Variants in SPMIP7 observed in about 807,000 individuals in gnomAD.
The protein encoded by SPMIP7 is sperm microtubule inner protein 7.
chr7:50,157,901 A>T, the SPMIP7 span, among the ~76,000 whole-genome samples: 85 of 53,312 alleles, frequency 1.6e-3, no homozygotes, highest in Non-Finnish European at 3.6e-3. Flanking sequence ...AAGCTTTTTT[A>T]AAAAAAATTA....
chr7:50,153,082 C>T, the SPMIP7 span, among the ~76,000 whole-genome samples: 1 of 152,128 alleles, frequency 6.6e-6, no homozygotes, highest in African/African-American at 2.4e-5. Flanking sequence ...CTTTTAGGAG[C>T]TTATTTTCTG....
chr7:50,140,701 T>C, the SPMIP7 span, among the ~76,000 whole-genome samples: 3 of 152,368 alleles, frequency 2.0e-5, no homozygotes, highest in Admixed American at 1.3e-4. Context: ...TCCAAGAATA[T>C]GGAGGAGGGA....
the SPMIP7 span, among the ~76,000 whole-genome samples, chr7:50,158,781 C>G: frequency 6.6e-6 from 1 of 152,094 alleles, no homozygotes; most frequent in Non-Finnish European, 1.5e-5. Context: ...GCCCTGGGCC[C>G]TCCCCAGGCA....
chr7:50,143,592 T>G, the SPMIP7 span, among the ~76,000 whole-genome samples: 1 of 152,224 alleles, frequency 6.6e-6, no homozygotes, highest in Admixed American at 6.5e-5. Flanking sequence ...TTGATTTTGT[T>G]TTATGGTTAC....
the SPMIP7 span, among the ~76,000 whole-genome samples, chr7:50,147,231 C>G: frequency 6.6e-6 from 1 of 152,214 alleles, no homozygotes; most frequent in South Asian, 2.1e-4. Context: ...TGATTTGAAC[C>G]TGCACTTACA....
chr7:50,098,658 G>C, the SPMIP7 span, among the ~76,000 whole-genome samples: 1 of 151,982 alleles, frequency 6.6e-6, no homozygotes, highest in Admixed American at 6.5e-5. Flanking sequence ...TTTATAGAAG[G>C]CATCTTTTTC....
the SPMIP7 span, among the ~76,000 whole-genome samples, chr7:50,158,262 T>G: frequency 7.1e-6 from 1 of 141,826 alleles, no homozygotes; most frequent in East Asian, 2.4e-4. Flanking sequence ...CCACCCCCCA[T>G]GTCTTTTCCT....
chr7:50,104,302 TTG>T, the SPMIP7 span: 1 of 1,449,034 alleles, frequency 6.9e-7, no homozygotes, highest in Non-Finnish European at 9.3e-7. Flanking sequence ...TTCGCTTTTT[TTG>T]TGTTTTCAGG....
the SPMIP7 span, among the ~76,000 whole-genome samples, chr7:50,113,350 A>AT: frequency 7.4e-3 from 58 of 7,842 alleles, no homozygotes; most frequent in Admixed American, 0.02. Flanking sequence ...AATATCACCC[A>AT]GGGGAAAAAT....
the SPMIP7 span, among the ~76,000 whole-genome samples, chr7:50,150,315 A>C: frequency 1.3e-5 from 2 of 152,198 alleles, no homozygotes; most frequent in East Asian, 3.9e-4. Flanking sequence ...TCCTGCTCTC[A>C]GAGAAAGGTC....
chr7:50,126,189 T>C, the SPMIP7 span, among the ~76,000 whole-genome samples: 1 of 151,452 alleles, frequency 6.6e-6, no homozygotes, highest in Non-Finnish European at 1.5e-5. Flanking sequence ...ATTGTTAGAC[T>C]GATCGAGAAA....
At chr7:50,121,227 G>T in the SPMIP7 span, 2 of 152,158 alleles carry the variant, frequency 1.3e-5, no homozygotes, top group Non-Finnish European at 1.5e-5. Context: ...CCAAGGTTTT[G>T]GTCAATCTCT....
the SPMIP7 span, among the ~76,000 whole-genome samples, chr7:50,139,540 G>T: frequency 6.6e-6 from 1 of 152,106 alleles, no homozygotes; most frequent in Admixed American, 6.5e-5. Context: ...ATGGCAAATA[G>T]CTCAGGGAGA....
At chr7:50,100,689 G>A in the SPMIP7 span, among the ~76,000 whole-genome samples, 1 of 152,092 alleles carries the variant, frequency 6.6e-6, no homozygotes, top group Non-Finnish European at 1.5e-5. Flanking sequence ...GTGAGCACCA[G>A]TAGTCCCAGC....
At chr7:50,121,992 AT>A in the SPMIP7 span, among the ~76,000 whole-genome samples, 1 of 152,046 alleles carries the variant, frequency 6.6e-6, no homozygotes, top group African/African-American at 2.4e-5. Flanking sequence ...GGTTCCAGGG[AT>A]TTGAACATGG....
chr7:50,136,248 G>C, the SPMIP7 span: 4 of 1,023,894 alleles, frequency 3.9e-6, no homozygotes, highest in Non-Finnish European at 1.5e-6. Context: ...GTAGCCCTTG[G>C]CTTAGAGGTG....
At chr7:50,141,419 T>G in the SPMIP7 span, 2 of 1,307,142 alleles carry the variant, frequency 1.5e-6, no homozygotes, top group Non-Finnish European at 2.2e-6. Context: ...TTTCACTTGT[T>G]TTATTACTAA....
chr7:50,153,093 G>A, the SPMIP7 span, among the ~76,000 whole-genome samples: 1 of 152,130 alleles, frequency 6.6e-6, no homozygotes, highest in Non-Finnish European at 1.5e-5. Flanking sequence ...TTATTTTCTG[G>A]TACGAAAGAT....
the SPMIP7 span, among the ~76,000 whole-genome samples, chr7:50,105,175 T>A: frequency 6.6e-6 from 1 of 152,164 alleles, no homozygotes; most frequent in Non-Finnish European, 1.5e-5. Flanking sequence ...TCCTAAGACA[T>A]ACACAGATAT....
Sources: allele counts gnomAD v4.1 joint callset (sites outside exome capture counted in the v4.1 genomes callset), GRCh38; gene constraint gnomAD v4.1.1; transcripts MANE v1.5; gene names NCBI Gene and HGNC (gene_info 2026-07-23, HGNC 2026-07-21).